Variants in ZNF229 observed in about 807,000 individuals in gnomAD.
ZNF229 encodes the protein zinc finger protein 229.
Under a neutral mutation model 11.8 loss-of-function variants are expected in ZNF229, and 10 were observed. The ratio of observed to expected loss-of-function variants is 0.85; its 90% CI spans 0.52 to 1.44. ZNF229 has a LOEUF of 1.44. Ranked by LOEUF, ZNF229 falls within the 40% of genes most tolerant of loss-of-function variation. The pLI, the probability that ZNF229 is intolerant of heterozygous loss-of-function variation, is 0.00. For missense variants in ZNF229, 1,045 were observed against 1,015.1 expected, an observed-to-expected ratio of 1.03 and a Z score of -0.40; for synonymous variants, 368 against 374.8, an observed-to-expected ratio of 0.98 and a Z score of 0.21.
intron 5 of ZNF229, among the ~76,000 whole-genome samples, chr19:44,431,526 C>T (rs1166849065): frequency 1.3e-5 from 2 of 152,178 alleles, no homozygotes; most frequent in African/African-American, 4.8e-5. Context: ...ATTAGAGGGA[C>T]GGAAGTCCAG....
In ZNF229 at chr19:44,442,624, G is replaced by A; in HGVS notation, c.35-3C>T. 1 of 1,614,074 alleles carries A rather than the reference G, an allele frequency of 6.2e-7. No individual in the cohort carries two copies. The highest frequency in any genetic ancestry group is 8.5e-7 in the Non-Finnish European group (1 of 1,179,990). On this transcript the variant is annotated splice_region_variant and splice_polypyrimidine_tract_variant and intron_variant, in intron 3 of 5. Transcript: ENST00000614049. ...GGCTGAGGCTTGAGAATGAAGAGCT[G>A]TAGGAGGAGAAAGAGGCCATGAGGA... is the stretch of plus-strand genomic sequence containing the variant.
intron 5 of ZNF229, 79 bp downstream of exon 5, chr19:44,432,143 G>C: frequency 6.6e-6 from 10 of 1,512,212 alleles, no homozygotes; most frequent in Non-Finnish European, 8.8e-6. Context: ...TATAAAAATA[G>C]GATTTAACCT....
In ZNF229 at chr19:44,430,408, T is replaced by C; in HGVS notation, c.373A>G (p.Asn125Asp). The C allele has an allele frequency of 1.9e-6, 3 of 1,614,164 alleles. No homozygotes were observed. The Middle Eastern group carries it at 4.9e-4, about 266-fold the overall frequency. Reference protein sequence around the residue: ...ELPGSQDCRVNLQGKDFQFSE... With the variant: ...ELPGSQDCRVDLQGKDFQFSE... ...AACTGGAAGTCTTTTCCTTGCAGATTTACTCTACAGTCTTGGCTCCCAGGT... is the reference window on the plus strand; with the variant it reads ...AACTGGAAGTCTTTTCCTTGCAGATCTACTCTACAGTCTTGGCTCCCAGGT... Residue 125 changes from asparagine (N) to aspartate (D), a missense_variant, in exon 6 of 6, where the codon AAT (asparagine) becomes GAT (aspartate). Physicochemically the swap from Asn to Asp is conservative, Grantham distance 23 (BLOSUM62 1). Transcript: ENST00000614049.
rs1971577971 is a variant in ZNF229 at position 44,426,682 on chromosome 19, A to T, written c.*1621T>A. ...CTGGAATATTAACATTTGCTATTTTAAAAATGTTTTAAATTTAAAAACTCC... is the reference window on the plus strand; with the variant it reads ...CTGGAATATTAACATTTGCTATTTTTAAAATGTTTTAAATTTAAAAACTCC... On this transcript the variant is annotated 3_prime_UTR_variant, in exon 6 of 6. Transcript: ENST00000614049. 1 of 152,216 alleles carries T rather than the reference A, an allele frequency of 6.6e-6. No homozygotes were observed. Among genetic ancestry groups the T allele is most frequent in the South Asian group, 2.1e-4 (1 of 4,838 alleles). The allele number at this position is 152,216 out of a possible 1,614,324, so 9.4% of individuals were successfully genotyped here.
intron 2 of ZNF229, 102 bp downstream of exon 2, chr19:44,447,411 T>C (rs1030261932): frequency 6.6e-6 from 1 of 152,120 alleles, no homozygotes; most frequent in Non-Finnish European, 1.5e-5. Flanking sequence ...AAGGCAGGTG[T>C]GGCTAAGGGG....
At chr19:44,444,628 C>T (rs1971974321) in intron 2 of ZNF229, among the ~76,000 whole-genome samples, 1 of 152,200 alleles carries the variant, frequency 6.6e-6, no homozygotes, top group Non-Finnish European at 1.5e-5. Context: ...TTAAAAATCA[C>T]CATGAGCAAT....
At chr19:44,437,687 A>C (rs1237402980) in intron 4 of ZNF229, among the ~76,000 whole-genome samples, 2 of 152,206 alleles carry the variant, frequency 1.3e-5, no homozygotes, top group Non-Finnish European at 2.9e-5. Flanking sequence ...CTGCAGCACT[A>C]CTGACAATAG....
chr19:44,440,734 T>C (rs1474384915), intron 4 of ZNF229, among the ~76,000 whole-genome samples: 1 of 152,030 alleles, frequency 6.6e-6, no homozygotes, highest in East Asian at 1.9e-4. Flanking sequence ...ATTCTTTTTT[T>C]TTTTTTTGAG....
rs1271593407 is a variant in ZNF229 at position 44,427,340 on chromosome 19, T to A, written c.*963A>T. The A allele has an allele frequency of 1.3e-5, 2 of 150,886 alleles. No individual in the cohort carries two copies. The highest frequency in any genetic ancestry group is 2.4e-5 in the African/African-American group (1 of 40,866). 9.3% of individuals were successfully genotyped at this position (150,886 alleles called of 1,614,324 possible). On this transcript the variant is annotated 3_prime_UTR_variant, in exon 6 of 6. Transcript: ENST00000614049. ...TTTGTGATTTTTAAGATACCTAATA[T>A]TTGATATGTTAAACTATGAAATGAA...
In ZNF229 at chr19:44,429,204, A is replaced by C. The variant is rs761929091; in HGVS notation, c.1577T>G (p.Phe526Cys). The change falls in exon 6 of 6, where the codon TTC (phenylalanine) becomes TGC (cysteine). Residue 526 changes from phenylalanine (F) to cysteine (C), a missense_variant. Coordinates refer to ENST00000614049, the MANE Select transcript of ZNF229 (RefSeq NM_014518.4). ...CATGAGAAGCCCTGAGCTGTAACTG[A>C]AACTCTTACCACACACGTTACATTT... is the stretch of plus-strand genomic sequence containing the variant. The part of the protein sequence containing the change: ...LYKCNVCGKS[F>C]SYSSGLLMHQ... 7.5e-5 allele frequency: 121 copies of C among 1,613,884 alleles called. No homozygotes were observed. The highest frequency in any genetic ancestry group is 9.2e-5 in the Non-Finnish European group (108 of 1,180,036).
At chr19:44,436,209 C>CA in intron 4 of ZNF229, among the ~76,000 whole-genome samples, 1 of 152,020 alleles carries the variant, frequency 6.6e-6, no homozygotes, top group East Asian at 1.9e-4. Context: ...CCCATATCTA[C>CA]AAAAAATAGA....
At chr19:44,443,833 G>A (rs761350708) in intron 2 of ZNF229, among the ~76,000 whole-genome samples, 2 of 152,148 alleles carry the variant, frequency 1.3e-5, no homozygotes, top group Non-Finnish European at 2.9e-5. Flanking sequence ...ACTTAGACTA[G>A]TATAATTTTT....
chr19:44,442,494 G>A (rs1327699111), intron 4 of ZNF229, 69 bp downstream of exon 4: 16 of 1,540,560 alleles, frequency 1.0e-5, no homozygotes, highest in Middle Eastern at 1.8e-4. Context: ...TCCTTTTACC[G>A]AGAAGGGACG....
intron 2 of ZNF229, among the ~76,000 whole-genome samples, chr19:44,446,982 G>A (rs1972013932): frequency 6.6e-6 from 1 of 152,198 alleles, no homozygotes; most frequent in African/African-American, 2.4e-5. Flanking sequence ...GACAAGTCCA[G>A]AAGGAAGCAT....
chr19:44,428,711 G>A lies in ZNF229; in HGVS notation c.2070C>T (p.Gly690=). The change falls in exon 6 of 6, where the codon GGC becomes GGT. Residue 690 remains glycine (G), a synonymous_variant. Transcript: ENST00000614049. Reference sequence around the variant, plus strand: ...GATTAGAGCCATAACTGAATCCCTTGCCACACTGATCACACGTATAGGGCT... The same window carrying A: ...GATTAGAGCCATAACTGAATCCCTTACCACACTGATCACACGTATAGGGCT... The part of the protein sequence containing the change: ...GKKPYTCDQC[G]KGFSYGSNLR... 1 of 1,612,150 alleles carries A rather than the reference G, an allele frequency of 6.2e-7. No homozygotes were observed. Among genetic ancestry groups the A allele is most frequent in the South Asian group, 1.1e-5 (1 of 90,946 alleles).
chr19:44,429,094 G>A lies in ZNF229; in HGVS notation c.1687C>T (p.Gln563Ter), dbSNP rs201464276. 517 of 1,613,726 alleles carry A rather than the reference G, an allele frequency of 3.2e-4. No homozygotes were observed. The highest frequency in any genetic ancestry group is 4.1e-4 in the Non-Finnish European group (489 of 1,179,996). The change falls in exon 6 of 6, where the codon CAG (glutamine) becomes TAG (stop). Residue 563 changes from glutamine (Q) to a stop codon, truncating the protein, a stop_gained. Transcript: ENST00000614049. LOFTEE classifies it low-confidence loss of function (END_TRUNC). ...FGRSSDLHIH[Q>*]RVHTGEKPYK... is the part of the protein sequence containing the mutation. ...GGTTTCTCTCCTGTGTGGACCCTCT[G>A]ATGGATGTGGAGGTCGGAGCTCCGG...
chr19:44,442,940 C>T lies in ZNF229; in HGVS notation c.-93G>A. On this transcript the variant is annotated 5_prime_UTR_variant, in exon 3 of 6. It removes an upstream start codon present in the reference 5' UTR. Coordinates refer to ENST00000614049, the MANE Select transcript of ZNF229 (RefSeq NM_014518.4). ...AGACGCAGAAGATCCAGGCCTTTTT[C>T]ATTCCGGAAACTCTCCAAGCTCTGA... The T allele has an allele frequency of 6.8e-7, 1 of 1,472,384 alleles. No homozygotes were observed. The highest frequency in any genetic ancestry group is 9.5e-7 in the Non-Finnish European group (1 of 1,054,084). The allele number at this position is 1,472,384 out of a possible 1,614,324, so 91.2% of individuals were successfully genotyped here.
chr19:44,432,433 T>C (rs1425108332), intron 4 of ZNF229, 67 bp from the exon 5 acceptor site: 4 of 1,573,512 alleles, frequency 2.5e-6, no homozygotes, highest in African/African-American at 1.4e-5. Context: ...ACAGAGCAGG[T>C]TTATAGAAAT....
chr19:44,446,789 G>C (rs1395450298), intron 2 of ZNF229, among the ~76,000 whole-genome samples: 3 of 152,156 alleles, frequency 2.0e-5, no homozygotes, highest in African/African-American at 7.2e-5. Context: ...ACCTTTGGTT[G>C]CAAAAAGGGC....
Sources: gnomAD v4.1 joint callset for allele counts (sites outside exome capture counted in the v4.1 genomes callset) on GRCh38, gnomAD v4.1.1 for gene constraint, MANE v1.5 for transcripts, NCBI Gene and HGNC (gene_info 2026-07-23, HGNC 2026-07-21) for gene names.